NFIA: variants seen among roughly 807,000 people sequenced by gnomAD.
NFIA encodes the protein nuclear factor 1 A-type.
A neutral mutation model predicts 62.8 loss-of-function variants in NFIA; 8 were observed. The ratio of observed to expected loss-of-function variants is 0.13; its 90% CI spans 0.07 to 0.23. The LOEUF (loss-of-function observed/expected upper bound fraction) is 0.23, where lower values mean the gene tolerates loss of function less well. Among genes scored for constraint, NFIA ranks in the 10% least tolerant of loss-of-function variants. The pLI, the probability that NFIA is intolerant of heterozygous loss-of-function variation, is 1.00. For missense variants in NFIA, 410 were observed against 642.1 expected, an observed-to-expected ratio of 0.64 and a Z score of 3.91; for synonymous variants, 235 against 238.1, an observed-to-expected ratio of 0.99 and a Z score of 0.12.
intron 3 of NFIA, among the ~76,000 whole-genome samples, chr1:61,305,707 C>A (rs1341254569): frequency 6.6e-6 from 1 of 152,164 alleles, no homozygotes; most frequent in East Asian, 1.9e-4. Context: ...GTTTAATCCT[C>A]AGATGGACAA....
chr1:61,290,134 T>C (rs1658782794), intron 3 of NFIA, among the ~76,000 whole-genome samples: 2 of 151,976 alleles, frequency 1.3e-5, no homozygotes. Flanking sequence ...GGTACTTTAA[T>C]AGATATTTTT....
At chr1:61,178,198 G>C (rs1650526105) in intron 2 of NFIA, among the ~76,000 whole-genome samples, 1 of 152,036 alleles carries the variant, frequency 6.6e-6, no homozygotes, top group Non-Finnish European at 1.5e-5. Context: ...TAACTTTTAG[G>C]GTGATATCAC....
intron 2 of NFIA, among the ~76,000 whole-genome samples, chr1:61,161,470 C>T (rs1039013703): frequency 6.6e-6 from 1 of 152,038 alleles, no homozygotes; most frequent in Non-Finnish European, 1.5e-5. Context: ...TAGAAACAAA[C>T]AAGAGGTGTT....
chr1:61,104,404 G>GTT, intron 2 of NFIA, among the ~76,000 whole-genome samples: 1 of 152,104 alleles, frequency 6.6e-6, no homozygotes, highest in Non-Finnish European at 1.5e-5. Context: ...CAATTAAGGT[G>GTT]TTGGGCCCAG....
intron 2 of NFIA, among the ~76,000 whole-genome samples, chr1:61,115,465 G>C (rs1338449777): frequency 1.3e-5 from 2 of 152,212 alleles, no homozygotes; most frequent in Non-Finnish European, 2.9e-5. Context: ...GCCAGGGAGA[G>C]AACAGGGTTG....
At chr1:61,280,584 G>C (rs976789994) in intron 3 of NFIA, among the ~76,000 whole-genome samples, 3 of 152,156 alleles carry the variant, frequency 2.0e-5, no homozygotes, top group Non-Finnish European at 4.4e-5. Flanking sequence ...ATGGTAACAC[G>C]CTGTTTCATC....
chr1:61,092,382 G>A (rs559665911), intron 2 of NFIA, among the ~76,000 whole-genome samples: 2 of 152,322 alleles, frequency 1.3e-5, no homozygotes, highest in South Asian at 4.1e-4. Flanking sequence ...AAGGTAGAAA[G>A]AGAACACTTT....
intron 3 of NFIA, among the ~76,000 whole-genome samples, chr1:61,301,762 C>T (rs1659507404): frequency 6.6e-6 from 1 of 152,078 alleles, no homozygotes; most frequent in Non-Finnish European, 1.5e-5. Context: ...TTTAGTTCAC[C>T]TCCAAACAGA....
At chr1:61,379,066 TATAAC>T (rs1211892091) in intron 6 of NFIA, among the ~76,000 whole-genome samples, 1 of 152,230 alleles carries the variant, frequency 6.6e-6, no homozygotes, top group African/African-American at 2.4e-5. Flanking sequence ...TCTTTTGCAA[TATAAC>T]ATAACCTAAT....
At chr1:61,095,961 C>T (rs867411658) in intron 2 of NFIA, among the ~76,000 whole-genome samples, 1 of 151,782 alleles carries the variant, frequency 6.6e-6, no homozygotes, top group Non-Finnish European at 1.5e-5. Flanking sequence ...TATATATTTA[C>T]AGACAGAGAA....
At chr1:61,221,728 A>G (rs995203883) in intron 2 of NFIA, among the ~76,000 whole-genome samples, 1 of 152,138 alleles carries the variant, frequency 6.6e-6, no homozygotes, top group Non-Finnish European at 1.5e-5. Context: ...TTTTCTCAAT[A>G]AATAAGAGTG....
intron 4 of NFIA, among the ~76,000 whole-genome samples, chr1:61,333,020 T>C (rs1214122098): frequency 6.6e-6 from 1 of 151,108 alleles, no homozygotes; most frequent in Non-Finnish European, 1.5e-5. Flanking sequence ...TGATTGTAGT[T>C]TTGTTATGAC....
chr1:61,196,045 G>T (rs2100581856), intron 2 of NFIA, among the ~76,000 whole-genome samples: 1 of 152,236 alleles, frequency 6.6e-6, no homozygotes, highest in East Asian at 1.9e-4. Flanking sequence ...TTTAAACTCT[G>T]TAATTAACAT....
At chr1:61,392,750 G>A (rs1665045579) in intron 7 of NFIA, among the ~76,000 whole-genome samples, 1 of 152,272 alleles carries the variant, frequency 6.6e-6, no homozygotes. Flanking sequence ...GGTTAGAGCA[G>A]TGAGACCACT....
At chr1:61,442,011 G>T (rs759422231) in intron 10 of NFIA, among the ~76,000 whole-genome samples, 24 of 151,934 alleles carry the variant, frequency 1.6e-4, no homozygotes, top group Non-Finnish European at 3.4e-4. Flanking sequence ...ACTGCCGGAT[G>T]AAACTCATTA....
intron 2 of NFIA, among the ~76,000 whole-genome samples, chr1:61,122,579 A>C (rs1194317975): frequency 1.3e-5 from 2 of 152,120 alleles, no homozygotes; most frequent in East Asian, 1.9e-4. Flanking sequence ...CCTTTCTTTA[A>C]ATATTTTCTC....
intron 3 of NFIA, among the ~76,000 whole-genome samples, chr1:61,327,625 G>A (rs948105654): frequency 2.0e-5 from 3 of 151,724 alleles, no homozygotes; most frequent in South Asian, 4.2e-4. Context: ...GTATTCCATG[G>A]TATATATATA....
intron 3 of NFIA, among the ~76,000 whole-genome samples, chr1:61,330,447 A>T (rs56239130): frequency 8.4e-6 from 1 of 119,328 alleles, no homozygotes; most frequent in Non-Finnish European, 1.7e-5. Flanking sequence ...CCCCCCCCAC[A>T]CACACACACA....
intron 7 of NFIA, among the ~76,000 whole-genome samples, chr1:61,391,408 G>C (rs1417532207): frequency 1.4e-5 from 2 of 140,738 alleles, no homozygotes; most frequent in Non-Finnish European, 3.1e-5. Context: ...GCGAACACAA[G>C]GTTAAACCCC....
Sources: gnomAD v4.1 joint callset for allele counts (sites outside exome capture counted in the v4.1 genomes callset) on GRCh38, gnomAD v4.1.1 for gene constraint, MANE v1.5 for transcripts, NCBI Gene and HGNC (gene_info 2026-07-23, HGNC 2026-07-21) for gene names.